The following XKR9 variants were observed in gnomAD, a reference collection of about 807,000 sequenced individuals.
The protein encoded by XKR9 is XK-related protein 9.
XKR9 carries 32 observed loss-of-function variants against 32.0 expected under a neutral mutation model. The observed-to-expected ratio is 1.00, with a 90% CI of 0.76 to 1.34. The LOEUF (loss-of-function observed/expected upper bound fraction) is 1.34. XKR9 is among the 40% of genes most tolerant of loss of function. XKR9 has a pLI of 0.00. For missense variants in XKR9, 546 were observed against 429.7 expected (o/e 1.27, Z -2.39); for synonymous variants, 168 against 143.4 (o/e 1.17, Z -1.22).
intron 4 of XKR9, among the ~76,000 whole-genome samples, chr8:70,712,472 G>T (rs560712770): frequency 6.6e-6 from 1 of 151,970 alleles, no homozygotes; most frequent in Non-Finnish European, 1.5e-5. Flanking sequence ...ACAAAACTCA[G>T]GGTCCTCACA....
the XKR9 span, among the ~76,000 whole-genome samples, chr8:70,845,262 A>C: frequency 6.6e-6 from 1 of 152,190 alleles, no homozygotes; most frequent in Non-Finnish European, 1.5e-5. Flanking sequence ...CCCAACCAAC[A>C]CTATAGTTAA....
chr8:70,762,290 C>G (rs1586888161), intron 2 of XKR9, among the ~76,000 whole-genome samples: 1 of 152,142 alleles, frequency 6.6e-6, no homozygotes, highest in African/African-American at 2.4e-5. Context: ...TTTCCATTCC[C>G]TCTTTTTCCA....
intron 4 of XKR9, among the ~76,000 whole-genome samples, chr8:70,714,225 A>T (rs1370637561): frequency 6.6e-6 from 1 of 152,102 alleles, no homozygotes; most frequent in Non-Finnish European, 1.5e-5. Flanking sequence ...GTATGTCAAA[A>T]TATAGTCACA....
intron 4 of XKR9, among the ~76,000 whole-genome samples, chr8:70,710,867 AT>A (rs1805895650): frequency 6.6e-6 from 1 of 152,202 alleles, no homozygotes; most frequent in South Asian, 2.1e-4. Flanking sequence ...GGGAGAAAAT[AT>A]TTGCAAACTA....
the XKR9 span, among the ~76,000 whole-genome samples, chr8:70,812,405 C>T: frequency 2.0e-5 from 3 of 152,178 alleles, no homozygotes; most frequent in African/African-American, 7.2e-5. Context: ...CCTCTCTCAC[C>T]ACTCCTATTC....
intron 2 of XKR9, among the ~76,000 whole-genome samples, chr8:70,767,568 G>T (rs1241112942): frequency 7.5e-6 from 1 of 133,390 alleles, no homozygotes; most frequent in Non-Finnish European, 1.5e-5. Flanking sequence ...GTATGATCTT[G>T]GTTCTGCAAG....
chr8:70,776,947 C>CTCTCTCTCTCTCTCTA lies in XKR9; in HGVS notation n.353-12391_353-12390insCTCTCTCTCTCTCTAT. On this transcript the variant is annotated intron_variant and non_coding_transcript_variant, in intron 2 of 3. Transcript: ENST00000520273. ...TTTCTCTCTCTCTCTCTCTCTCTCT[C>CTCTCTCTCTCTCTCTA]TATATATATATATATATGTATGTAT... Among the ~76,000 whole-genome samples, 147 of 54,204 alleles carry CTCTCTCTCTCTCTCTA rather than the reference C, an allele frequency of 2.7e-3. 3 individuals are homozygous for CTCTCTCTCTCTCTCTA. The East Asian group carries it at 0.031, about 12-fold the overall frequency. The allele number at this position is 54,204 out of a possible 152,430, so 35.6% of individuals were successfully genotyped here.
At chr8:70,995,766 C>T in the XKR9 span, among the ~76,000 whole-genome samples, 1,466 of 152,196 alleles carry the variant, frequency 9.6e-3, 23 homozygotes, top group African/African-American at 0.034. Context: ...TCCTCCTGCC[C>T]CAGTCTCCTG....
the XKR9 span, among the ~76,000 whole-genome samples, chr8:70,865,391 T>C: frequency 6.6e-5 from 10 of 152,070 alleles, no homozygotes; most frequent in African/African-American, 2.4e-4. Context: ...TCTAATTTAA[T>C]GCTAAGAAAT....
At chr8:70,814,265 G>A in the XKR9 span, among the ~76,000 whole-genome samples, 112 of 152,114 alleles carry the variant, frequency 7.4e-4, no homozygotes, top group African/African-American at 2.5e-3. Flanking sequence ...ACACAGGAAG[G>A]GGAACATCAC....
chr8:70,819,776 C>A, the XKR9 span, among the ~76,000 whole-genome samples: 1 of 152,144 alleles, frequency 6.6e-6, no homozygotes, highest in Admixed American at 6.5e-5. Context: ...TTGACATTTT[C>A]AAACCATTAG....
At chr8:70,751,823 T>C (rs757691924) in intron 2 of XKR9, among the ~76,000 whole-genome samples, 4 of 152,180 alleles carry the variant, frequency 2.6e-5, no homozygotes, top group African/African-American at 4.8e-5. Flanking sequence ...TCCCTTGTTC[T>C]CACACCTTTG....
At chr8:70,728,323 C>T (rs1806545247) in intron 4 of XKR9, among the ~76,000 whole-genome samples, 1 of 152,180 alleles carries the variant, frequency 6.6e-6, no homozygotes, top group Non-Finnish European at 1.5e-5. Flanking sequence ...CTAACTTCTT[C>T]CTGCTGATCA....
chr8:70,968,170 C>A, the XKR9 span, among the ~76,000 whole-genome samples: 1 of 152,030 alleles, frequency 6.6e-6, no homozygotes, highest in Non-Finnish European at 1.5e-5. Flanking sequence ...GTCTGCCTGT[C>A]TTATTTCAGA....
chr8:70,713,461 C>CAGAA (rs1411023830), intron 4 of XKR9, among the ~76,000 whole-genome samples: 6 of 152,078 alleles, frequency 3.9e-5, no homozygotes, highest in Admixed American at 1.3e-4. Context: ...GCGTACTCAG[C>CAGAA]AGAAAGAAAT....
chr8:70,846,629 T>A, the XKR9 span, among the ~76,000 whole-genome samples: 1 of 151,988 alleles, frequency 6.6e-6, no homozygotes. Context: ...ATATGATGCC[T>A]ACAGAAACTC....
the XKR9 span, among the ~76,000 whole-genome samples, chr8:70,979,783 G>A: frequency 6.6e-6 from 1 of 152,216 alleles, no homozygotes; most frequent in African/African-American, 2.4e-5. Context: ...AACCACTGCT[G>A]TCTTCAGAGC....
At chr8:70,818,180 G>T in the XKR9 span, among the ~76,000 whole-genome samples, 2 of 142,238 alleles carry the variant, frequency 1.4e-5, no homozygotes, top group African/African-American at 2.5e-5. Context: ...TGTTGTTGTT[G>T]TTTTTTTGTT....
At chr8:70,741,370 G>A (rs1806979131) in intron 2 of XKR9, among the ~76,000 whole-genome samples, 4 of 152,172 alleles carry the variant, frequency 2.6e-5, no homozygotes, top group Admixed American at 2.6e-4. Context: ...AGATGCTAGT[G>A]CTATGCTCTT....
Sources: allele counts gnomAD v4.1 joint callset (sites outside exome capture counted in the v4.1 genomes callset), GRCh38; gene constraint gnomAD v4.1.1; transcripts MANE v1.5; gene names NCBI Gene and HGNC (gene_info 2026-07-23, HGNC 2026-07-21).